Variants in SPIN1 observed in about 807,000 individuals in gnomAD.
The protein encoded by SPIN1 is spindlin 1.
A neutral mutation model predicts 26.0 loss-of-function variants in SPIN1; 3 were observed. The ratio of observed to expected loss-of-function variants is 0.12; its 90% CI spans 0.05 to 0.30. The LOEUF is 0.30. SPIN1 is among the 10% of genes least tolerant of loss of function. The pLI, the probability that SPIN1 is intolerant of heterozygous loss-of-function variation, is 1.00. For missense variants in SPIN1, 126 were observed against 333.4 expected, an observed-to-expected ratio of 0.38 and a Z score of 4.84; for synonymous variants, 101 against 116.5, an observed-to-expected ratio of 0.87 and a Z score of 0.86.
chr9:88,390,995 C>T (rs972143416), intron 1 of SPIN1, among the ~76,000 whole-genome samples: 1 of 152,094 alleles, frequency 6.6e-6, no homozygotes, highest in East Asian at 1.9e-4. Flanking sequence ...AATAATTATG[C>T]TCTTGCCAAA....
intron 1 of SPIN1, among the ~76,000 whole-genome samples, chr9:88,394,832 CA>C (rs1364442098): frequency 1.6e-5 from 2 of 125,768 alleles, no homozygotes; most frequent in Non-Finnish European, 3.2e-5. Context: ...TTTTTTGAGA[CA>C]GAGTCTCGCT....
intron 2 of SPIN1, among the ~76,000 whole-genome samples, chr9:88,448,713 G>A (rs1828300859): frequency 6.6e-6 from 1 of 152,126 alleles, no homozygotes; most frequent in African/African-American, 2.4e-5. Flanking sequence ...CGGCTGATTT[G>A]AGGGGATAGA....
At chr9:88,409,932 C>G (rs914384840) in intron 1 of SPIN1, among the ~76,000 whole-genome samples, 5 of 152,004 alleles carry the variant, frequency 3.3e-5, no homozygotes, top group African/African-American at 1.2e-4. Flanking sequence ...GATTCCAACT[C>G]GAAGGGAGGT....
At chr9:88,390,398 G>C (rs1227771534) in intron 1 of SPIN1, among the ~76,000 whole-genome samples, 1 of 152,204 alleles carries the variant, frequency 6.6e-6, no homozygotes, top group East Asian at 1.9e-4. Flanking sequence ...ATTGATGAGA[G>C]TTACTAATTT....
At chr9:88,467,461 A>G (rs1286131929) in intron 4 of SPIN1, among the ~76,000 whole-genome samples, 1 of 152,192 alleles carries the variant, frequency 6.6e-6, no homozygotes, top group Non-Finnish European at 1.5e-5. Context: ...TTGTGGGGCT[A>G]CCTTGTTGGT....
chr9:88,446,698 G>T (rs970281195), intron 2 of SPIN1, among the ~76,000 whole-genome samples: 1 of 152,192 alleles, frequency 6.6e-6, no homozygotes, highest in Non-Finnish European at 1.5e-5. Context: ...GTGAGCCACT[G>T]CGCCAGCCCG....
chr9:88,434,388 AAT>A (rs1237216162), intron 2 of SPIN1, among the ~76,000 whole-genome samples: 2 of 129,960 alleles, frequency 1.5e-5, no homozygotes, highest in Non-Finnish European at 3.2e-5. Flanking sequence ...TAAATTATAA[AAT>A]AGTTTATTTT....
At chr9:88,406,734 C>T (rs559141062) in intron 1 of SPIN1, among the ~76,000 whole-genome samples, 9 of 152,052 alleles carry the variant, frequency 5.9e-5, no homozygotes, top group Non-Finnish European at 1.0e-4. Context: ...TTTACCTTTT[C>T]CTGTCCTTTC....
rs539125962 is a variant in SPIN1 at position 88,473,584 on chromosome 9, A to G, written c.590-1494A>G. ...CATAGGAAATGCAAGGGCGTCTGCA[A>G]TTCTGCATCGCTTTTCCTAGCCATT... is the stretch of plus-strand genomic sequence containing the variant. On this transcript the variant is annotated intron_variant, in intron 5 of 5. Coordinates refer to ENST00000375859, the MANE Select transcript of SPIN1 (RefSeq NM_006717.3). Among the ~76,000 whole-genome samples the G allele has an allele frequency of 3.3e-5, 5 of 152,146 alleles. 1 individual carries two copies. Among genetic ancestry groups the G allele is most frequent in the African/African-American group, 1.2e-4 (5 of 41,476 alleles).
At chr9:88,401,876 C>T (rs1346803444) in intron 1 of SPIN1, among the ~76,000 whole-genome samples, 1 of 152,150 alleles carries the variant, frequency 6.6e-6, no homozygotes, top group South Asian at 2.1e-4. Flanking sequence ...CAATCTTTTC[C>T]TTTTATTAAT....
intron 1 of SPIN1, among the ~76,000 whole-genome samples, chr9:88,424,492 A>G (rs1226494192): frequency 1.3e-5 from 2 of 152,230 alleles, no homozygotes; most frequent in Non-Finnish European, 2.9e-5. Context: ...AAGCAATGGA[A>G]TAATAATCAT....
At chr9:88,416,312 C>G (rs1275017123) in intron 1 of SPIN1, among the ~76,000 whole-genome samples, 1 of 151,838 alleles carries the variant, frequency 6.6e-6, no homozygotes, top group Non-Finnish European at 1.5e-5. Context: ...TCCTTTCTTA[C>G]CCTATTTTTG....
At chr9:88,411,521 C>G (rs1564025500) in intron 1 of SPIN1, 5 of 680,896 alleles carry the variant, frequency 7.3e-6, no homozygotes, top group African/African-American at 5.5e-5. Flanking sequence ...GGGCAGAAAG[C>G]TTTTTTTTTG....
At chr9:88,451,402 A>G (rs1828348966) in intron 3 of SPIN1, among the ~76,000 whole-genome samples, 1 of 152,184 alleles carries the variant, frequency 6.6e-6, no homozygotes, top group African/African-American at 2.4e-5. Flanking sequence ...GAAACATTAT[A>G]TAGCTGGGTT....
chr9:88,407,755 ATC>A (rs1164424693), intron 1 of SPIN1, among the ~76,000 whole-genome samples: 3 of 149,604 alleles, frequency 2.0e-5, no homozygotes, highest in South Asian at 2.1e-4. Flanking sequence ...TATGACTGGA[ATC>A]TCTCTCTCTT....
intron 5 of SPIN1, among the ~76,000 whole-genome samples, chr9:88,471,569 C>G (rs1190399931): frequency 7.0e-6 from 1 of 141,902 alleles, no homozygotes; most frequent in South Asian, 2.2e-4. Flanking sequence ...GCAGGAGAAT[C>G]GCTTGAACCT....
At chr9:88,411,521 C>A in intron 1 of SPIN1, 1 of 680,998 alleles carries the variant, frequency 1.5e-6, no homozygotes, top group Non-Finnish European at 2.5e-6. Flanking sequence ...GGGCAGAAAG[C>A]TTTTTTTTTG....
At chr9:88,453,458 C>CTA (rs1262348968) in intron 3 of SPIN1, among the ~76,000 whole-genome samples, 1 of 151,990 alleles carries the variant, frequency 6.6e-6, no homozygotes, top group Non-Finnish European at 1.5e-5. Flanking sequence ...TGGGGAATCT[C>CTA]ATTAGAGGAT....
At chr9:88,458,557 A>T (rs1252650600) in intron 3 of SPIN1, among the ~76,000 whole-genome samples, 1 of 152,168 alleles carries the variant, frequency 6.6e-6, no homozygotes. Flanking sequence ...TTACAGAGGA[A>T]TGCTGCTAAC....
Sources: allele counts gnomAD v4.1 joint callset (sites outside exome capture counted in the v4.1 genomes callset), GRCh38; gene constraint gnomAD v4.1.1; transcripts MANE v1.5; gene names NCBI Gene and HGNC (gene_info 2026-07-23, HGNC 2026-07-21).